Variants in DOCK2 observed in about 807,000 individuals in gnomAD.
The protein encoded by DOCK2 is dedicator of cytokinesis protein 2.
Under a neutral mutation model 248.9 loss-of-function variants are expected in DOCK2, and 87 were observed. The ratio of observed to expected loss-of-function variants is 0.35; its 90% confidence interval spans 0.29 to 0.42. DOCK2 has a LOEUF of 0.42. Among genes scored for constraint, DOCK2 ranks in the 10% least tolerant of loss-of-function variants. DOCK2 has a pLI of 1.00. For synonymous variants in DOCK2, 805 were observed against 821.6 expected (o/e 0.98, Z 0.35); for missense variants, 1,747 against 2,300.2 (o/e 0.76, Z 4.92).
At chr5:169,650,566 A>G (rs908360172) in intron 1 of DOCK2, among the ~76,000 whole-genome samples, 6 of 152,160 alleles carry the variant, frequency 3.9e-5, no homozygotes, top group African/African-American at 1.2e-4. Context: ...GTACTTCAAT[A>G]TGTTTAGGTG....
chr5:170,073,077 A>G (rs1757732117), intron 46 of DOCK2, among the ~76,000 whole-genome samples: 2 of 152,174 alleles, frequency 1.3e-5, no homozygotes, highest in African/African-American at 4.8e-5. Flanking sequence ...AGAAACCGCA[A>G]CTACCCCAAG....
At chr5:169,702,671 T>TTGTA (rs58478617) in intron 14 of DOCK2, 9,689 of 318,952 alleles carry the variant, frequency 0.03, 668 homozygotes, top group African/African-American at 0.15. Context: ...CAACTTCTTC[T>TTGTA]TGTATGTATG....
chr5:169,683,614 A>T (rs1009381470), intron 7 of DOCK2, among the ~76,000 whole-genome samples: 1 of 152,098 alleles, frequency 6.6e-6, no homozygotes, highest in South Asian at 2.1e-4. Context: ...TTTTTAACTT[A>T]GCCATTCTAG....
intron 2 of DOCK2, among the ~76,000 whole-genome samples, chr5:169,664,764 G>A (rs763715521): frequency 6.6e-6 from 1 of 152,068 alleles, no homozygotes; most frequent in Non-Finnish European, 1.5e-5. Flanking sequence ...CTCCGACCAG[G>A]TCCCTCCTCT....
intron 2 of DOCK2, among the ~76,000 whole-genome samples, chr5:169,664,403 C>T (rs530208967): frequency 6.6e-6 from 1 of 152,344 alleles, no homozygotes; most frequent in South Asian, 2.1e-4. Context: ...CCAACCTCTG[C>T]CCAGTTCCAA....
chr5:169,810,402 A>G (rs981416326), intron 26 of DOCK2, among the ~76,000 whole-genome samples: 1 of 152,200 alleles, frequency 6.6e-6, no homozygotes, highest in East Asian at 1.9e-4. Context: ...AAATTGTATC[A>G]AATTGATTTT....
At chr5:169,746,022 G>C (rs1211214784) in intron 22 of DOCK2, among the ~76,000 whole-genome samples, 2 of 152,188 alleles carry the variant, frequency 1.3e-5, no homozygotes, top group East Asian at 3.8e-4. Context: ...CAGAAGGTCA[G>C]CAGCAATTGC....
rs1402523854 is a variant in DOCK2, at chr5:169,695,798, C to A, written c.844-5C>A. On this transcript the variant is annotated splice_region_variant and splice_polypyrimidine_tract_variant and intron_variant, in intron 9 of 51. Transcript: ENST00000520908. ...ATGGTCAATTTTTTGTTTCTTTCCCCCCAGGATCTTGGAAACAAAGACCTC... is the reference window on the plus strand; with the variant it reads ...ATGGTCAATTTTTTGTTTCTTTCCCACCAGGATCTTGGAAACAAAGACCTC... 1 of 1,613,074 alleles carries A rather than the reference C, an allele frequency of 6.2e-7. No homozygotes were observed. The highest frequency in any genetic ancestry group is 8.5e-7 in the Non-Finnish European group (1 of 1,179,714).
intron 26 of DOCK2, among the ~76,000 whole-genome samples, chr5:169,804,485 T>TGTGTGCGC (rs61431388): frequency 4.7e-4 from 32 of 68,124 alleles, no homozygotes; most frequent in African/African-American, 7.5e-4. Flanking sequence ...TGTGTGTGTG[T>TGTGTGCGC]GCGCGCGCGC....
At chr5:169,935,476 A>C (rs1020562087) in intron 27 of DOCK2, among the ~76,000 whole-genome samples, 1 of 152,198 alleles carries the variant, frequency 6.6e-6, no homozygotes, top group African/African-American at 2.4e-5. Flanking sequence ...GTTCGGGTTG[A>C]GAGCTGATTT....
At chr5:169,922,991 G>A (rs12522080) in intron 27 of DOCK2, among the ~76,000 whole-genome samples, 12,828 of 152,032 alleles carry the variant, frequency 0.084, 718 homozygotes, top group East Asian at 0.19. Context: ...TTCTCTTATC[G>A]GTCCCACAGA....
chr5:170,080,337 GCCTTGTGGGTGGAGGATGGATGGGAA>G, intron 50 of DOCK2, 54 bp downstream of exon 50: 1 of 1,604,710 alleles, frequency 6.2e-7, no homozygotes, highest in Non-Finnish European at 8.5e-7. Flanking sequence ...CAGGCCACCA[GCCTTGTGGGTGGAGGATGGATGGGAA>G]CTGTGTCTAC....
intron 27 of DOCK2, among the ~76,000 whole-genome samples, chr5:169,961,341 T>A (rs1777078545): frequency 6.6e-6 from 1 of 152,254 alleles, no homozygotes; most frequent in African/African-American, 2.4e-5. Context: ...TGAACTACAC[T>A]GAACAGAATT....
chr5:169,817,155 C>T (rs1263173340), intron 26 of DOCK2, among the ~76,000 whole-genome samples: 1 of 152,168 alleles, frequency 6.6e-6, no homozygotes, highest in Non-Finnish European at 1.5e-5. Context: ...TAAGAAATCA[C>T]CCCAGGTTCT....
intron 44 of DOCK2, among the ~76,000 whole-genome samples, chr5:170,064,183 G>C (rs547721591): frequency 6.6e-6 from 1 of 152,282 alleles, no homozygotes; most frequent in South Asian, 2.1e-4. Context: ...GACTGGGAGA[G>C]AGAGCTGTCT....
chr5:169,760,878 A>G (rs1050559118), intron 24 of DOCK2, among the ~76,000 whole-genome samples: 2 of 152,174 alleles, frequency 1.3e-5, no homozygotes, highest in Middle Eastern at 3.2e-3. Context: ...AATGAATACA[A>G]TAAGTTTATT....
intron 26 of DOCK2, among the ~76,000 whole-genome samples, chr5:169,822,184 C>A (rs1768497937): frequency 6.6e-6 from 1 of 152,264 alleles, no homozygotes; most frequent in South Asian, 2.1e-4. Flanking sequence ...CTTTAACACC[C>A]CACTGTCAAT....
At position 170,076,054 on chromosome 5, in the gene DOCK2, G is replaced by A; in HGVS notation, c.4836G>A (p.Lys1612=). ...MEECFKNLKM[K]VEKEYGVREM... ...AATGTTTCAAGAACCTGAAAATGAA[G>A]GTGGAGAAGGAGTACGGTGTCCGAG... Residue 1612 remains lysine, a synonymous_variant, in exon 47 of 52, where the codon AAG becomes AAA. Coordinates refer to ENST00000520908, the MANE Select transcript of DOCK2 (RefSeq NM_004946.3). 1 of 1,614,202 alleles carries A rather than the reference G, an allele frequency of 6.2e-7. No homozygotes were observed. The highest frequency in any genetic ancestry group is 1.3e-5 in the African/African-American group (1 of 75,042).
Position 170,075,947 on chromosome 5 carries a change from A to G in DOCK2, c.4729A>G (p.Ile1577Val). ...THLKDLIAWQ[I>V]PFLGAGIKIH... Reference sequence around the variant, plus strand: ...TCATTCTTTACCACTTTCTCTCCAGATCCCCTTCTTGGGAGCTGGGATTAA... The same window carrying G: ...TCATTCTTTACCACTTTCTCTCCAGGTCCCCTTCTTGGGAGCTGGGATTAA... The change falls in exon 47 of 52, where the codon ATC becomes GTC. Residue 1577 changes from isoleucine to valine, a missense_variant and splice_region_variant. Ile to Val is a conservative substitution (Grantham distance 29). Transcript: ENST00000520908. The G allele has an allele frequency of 1.2e-6, 2 of 1,613,964 alleles. No individual in the cohort carries two copies. Among genetic ancestry groups the G allele is most frequent in the Non-Finnish European group, 1.7e-6 (2 of 1,179,938 alleles).
Sources: gnomAD v4.1 joint callset for allele counts (sites outside exome capture counted in the v4.1 genomes callset) on GRCh38, gnomAD v4.1.1 for gene constraint, MANE v1.5 for transcripts, NCBI Gene and HGNC (gene_info 2026-07-23, HGNC 2026-07-21) for gene names.